The following EDIL3 variants were observed in gnomAD, a reference collection of about 807,000 sequenced individuals.
EDIL3 encodes the protein EGF like and discoidin domains 3.
A neutral mutation model predicts 67.4 loss-of-function variants in EDIL3; 37 were observed. That is an observed-to-expected ratio of 0.55 (90% CI 0.42 to 0.72). The LOEUF is 0.72. Ranked by LOEUF, EDIL3 falls within the 30% of genes least tolerant of loss-of-function variation. The pLI is 0.00. For synonymous variants in EDIL3, 195 were observed against 196.3 expected (o/e 0.99, Z 0.05); for missense variants, 527 against 586.3 (o/e 0.90, Z 1.04).
At chr5:84,075,390 C>T (rs1746832127) in intron 6 of EDIL3, among the ~76,000 whole-genome samples, 1 of 152,024 alleles carries the variant, frequency 6.6e-6, no homozygotes, top group African/African-American at 2.4e-5. Flanking sequence ...ATTACAAGAA[C>T]ATCACAGGTA....
chr5:84,086,328 G>T (rs1747070915), intron 6 of EDIL3, among the ~76,000 whole-genome samples: 1 of 152,172 alleles, frequency 6.6e-6, no homozygotes, highest in Non-Finnish European at 1.5e-5. Flanking sequence ...TCTGCGGATT[G>T]CAAAAATCCG....
At chr5:84,074,441 C>A (rs1448966808) in intron 6 of EDIL3, among the ~76,000 whole-genome samples, 2 of 152,070 alleles carry the variant, frequency 1.3e-5, no homozygotes, top group Admixed American at 6.6e-5. Flanking sequence ...ATTTTCTCAA[C>A]CTACTCATCT....
intron 8 of EDIL3, among the ~76,000 whole-genome samples, chr5:84,063,426 G>T (rs1457048552): frequency 6.6e-6 from 1 of 152,090 alleles, no homozygotes; most frequent in African/African-American, 2.4e-5. Context: ...AAATATCTCT[G>T]TTAGGAAAAT....
At chr5:84,116,228 G>A (rs1180001959) in intron 5 of EDIL3, among the ~76,000 whole-genome samples, 1 of 147,204 alleles carries the variant, frequency 6.8e-6, no homozygotes, top group Admixed American at 6.8e-5. Context: ...GATGAAACAG[G>A]AGGCCATTGC....
At chr5:84,294,628 A>T (rs1561248469) in intron 1 of EDIL3, among the ~76,000 whole-genome samples, 2 of 152,090 alleles carry the variant, frequency 1.3e-5, no homozygotes, top group South Asian at 4.1e-4. Flanking sequence ...TTATATTTAA[A>T]AAATAATAAT....
rs530213020 is a variant in EDIL3 at position 84,073,551 on chromosome 5, C to T, written c.652-6945G>A. The stretch of plus-strand genomic sequence containing the variant: ...CATCACAAGCATTCTTAAACACCAA[C>T]AACAGACAAAAAGAGAGCCAAATGA... On this transcript the variant is annotated intron_variant, in intron 6 of 10. Transcript: ENST00000296591. Among the ~76,000 whole-genome samples the T allele has an allele frequency of 7.2e-5, 11 of 152,206 alleles. No homozygotes were observed. The East Asian group carries it at 1.5e-3, about 21-fold the overall frequency.
At chr5:84,264,804 ATC>A (rs1745314284) in intron 1 of EDIL3, among the ~76,000 whole-genome samples, 1 of 152,180 alleles carries the variant, frequency 6.6e-6, no homozygotes, top group South Asian at 2.1e-4. Flanking sequence ...TAGTCCATCA[ATC>A]TCTGTCAAGA....
chr5:84,190,902 T>C (rs1376756862), intron 3 of EDIL3, among the ~76,000 whole-genome samples: 1 of 151,936 alleles, frequency 6.6e-6, no homozygotes, highest in African/African-American at 2.4e-5. Context: ...TAGTCCCTAA[T>C]GAAGAGCTAA....
At chr5:84,071,343 T>C (rs1746737397) in intron 6 of EDIL3, among the ~76,000 whole-genome samples, 1 of 152,204 alleles carries the variant, frequency 6.6e-6, no homozygotes, top group South Asian at 2.1e-4. Flanking sequence ...ACAAATTCTC[T>C]AGGGAATGTA....
At chr5:84,175,194 T>C (rs188844325) in intron 4 of EDIL3, among the ~76,000 whole-genome samples, 1 of 152,202 alleles carries the variant, frequency 6.6e-6, no homozygotes, top group African/African-American at 2.4e-5. Flanking sequence ...CCACTGACAT[T>C]AATAGCAATC....
At chr5:84,083,179 T>C (rs890594371) in intron 6 of EDIL3, among the ~76,000 whole-genome samples, 3 of 152,212 alleles carry the variant, frequency 2.0e-5, no homozygotes, top group African/African-American at 7.2e-5. Context: ...ATTGATGCTC[T>C]GAATAACTTT....
chr5:84,254,314 A>G, intron 1 of EDIL3, 102 bp from the exon 2 acceptor site: 1 of 1,309,158 alleles, frequency 7.6e-7, no homozygotes, highest in Non-Finnish European at 1.0e-6. Flanking sequence ...CAAAGTCAAA[A>G]GTCAGGGTAA....
intron 9 of EDIL3, among the ~76,000 whole-genome samples, chr5:84,023,702 G>A (rs1259714963): frequency 6.6e-6 from 1 of 151,974 alleles, no homozygotes; most frequent in Non-Finnish European, 1.5e-5. Flanking sequence ...GAAGAGATTT[G>A]TTCTTTTCAA....
At chr5:84,154,762 G>A (rs551245401) in intron 4 of EDIL3, among the ~76,000 whole-genome samples, 9 of 143,590 alleles carry the variant, frequency 6.3e-5, no homozygotes, top group East Asian at 2.2e-4. Flanking sequence ...TGCTGTGGCC[G>A]GATCTCGGCT....
intron 10 of EDIL3, among the ~76,000 whole-genome samples, chr5:83,957,233 C>T (rs187280183): frequency 6.6e-6 from 1 of 151,820 alleles, no homozygotes; most frequent in East Asian, 2.0e-4. Context: ...CAGAAACATG[C>T]AGCTGCTCCC....
chr5:84,324,460 A>C (rs979981366), intron 1 of EDIL3, among the ~76,000 whole-genome samples: 4 of 151,924 alleles, frequency 2.6e-5, no homozygotes, highest in African/African-American at 9.7e-5. Flanking sequence ...TTATATTAGA[A>C]GTAAGAAGAT....
At chr5:84,338,968 A>T (rs1368280224) in intron 1 of EDIL3, among the ~76,000 whole-genome samples, 2 of 151,842 alleles carry the variant, frequency 1.3e-5, no homozygotes, top group African/African-American at 4.9e-5. Flanking sequence ...CAAATAATGT[A>T]AATAGATCTG....
At chr5:84,213,733 A>C (rs1580380393) in intron 3 of EDIL3, among the ~76,000 whole-genome samples, 1 of 152,126 alleles carries the variant, frequency 6.6e-6, no homozygotes, top group African/African-American at 2.4e-5. Flanking sequence ...ATATTTTCTT[A>C]AAAAAAGGTA....
At chr5:84,381,927 T>C (rs1306658491) in intron 1 of EDIL3, among the ~76,000 whole-genome samples, 2 of 152,216 alleles carry the variant, frequency 1.3e-5, no homozygotes, top group Non-Finnish European at 2.9e-5. Context: ...AACCCATACG[T>C]AGGGAAAACA....
Sources: allele counts gnomAD v4.1 joint callset (sites outside exome capture counted in the v4.1 genomes callset), GRCh38; gene constraint gnomAD v4.1.1; transcripts MANE v1.5; gene names NCBI Gene and HGNC (gene_info 2026-07-23, HGNC 2026-07-21).